IPCEF1: variants seen among roughly 807,000 people sequenced by gnomAD.
IPCEF1 encodes the protein interaction protein for cytohesin exchange factors 1.
IPCEF1 carries 31 observed loss-of-function variants against 50.9 expected under a neutral mutation model. That is an observed-to-expected ratio of 0.61 (90% CI 0.46 to 0.82). IPCEF1 has a LOEUF of 0.82. IPCEF1 is among the 40% of genes least tolerant of loss of function. IPCEF1 has a pLI of 0.00. For synonymous variants in IPCEF1, 181 were observed against 192.0 expected, an observed-to-expected ratio of 0.94 and a Z score of 0.47; for missense variants, 458 against 514.0, an observed-to-expected ratio of 0.89 and a Z score of 1.05.
chr6:154,293,687 C>T (rs1293847343), intron 1 of IPCEF1, among the ~76,000 whole-genome samples: 1 of 152,212 alleles, frequency 6.6e-6, no homozygotes, highest in African/African-American at 2.4e-5. Context: ...GCTCTTCGAG[C>T]ATTACATGAC....
At chr6:154,251,735 A>G (rs1020959049) in intron 3 of IPCEF1, among the ~76,000 whole-genome samples, 2 of 152,198 alleles carry the variant, frequency 1.3e-5, no homozygotes, top group African/African-American at 4.8e-5. Flanking sequence ...TGTGGCGAAG[A>G]TGGATACCAC....
chr6:154,308,320 G>A (rs989995024), intron 1 of IPCEF1, among the ~76,000 whole-genome samples: 1 of 151,412 alleles, frequency 6.6e-6, no homozygotes, highest in Non-Finnish European at 1.5e-5. Context: ...GTTTTTTTTC[G>A]CAGTGTTGAC....
intron 5 of IPCEF1, among the ~76,000 whole-genome samples, chr6:154,243,188 A>T (rs1463044417): frequency 1.3e-5 from 2 of 152,296 alleles, no homozygotes; most frequent in East Asian, 3.9e-4. Flanking sequence ...GAAATAAGAA[A>T]GGTTACCAGT....
chr6:154,317,997 T>C (rs1229078618), intron 1 of IPCEF1, among the ~76,000 whole-genome samples: 1 of 152,148 alleles, frequency 6.6e-6, no homozygotes, highest in East Asian at 1.9e-4. Context: ...GAATATATAG[T>C]AATAAACAGA....
chr6:154,192,550 A>C (rs9478517), intron 10 of IPCEF1, among the ~76,000 whole-genome samples: 21,949 of 152,116 alleles, frequency 0.14, 1,858 homozygotes, highest in African/African-American at 0.22. Context: ...ACAGCAAAAG[A>C]AACAATCAGC....
chr6:154,314,949 C>T (rs573278981), intron 1 of IPCEF1, among the ~76,000 whole-genome samples: 5 of 150,832 alleles, frequency 3.3e-5, no homozygotes, highest in Middle Eastern at 3.5e-3. Context: ...GACACAATCT[C>T]AGCTCACTGC....
At chr6:154,244,436 G>A (rs533475371) in intron 5 of IPCEF1, among the ~76,000 whole-genome samples, 14 of 151,944 alleles carry the variant, frequency 9.2e-5, no homozygotes, top group Non-Finnish European at 2.1e-4. Flanking sequence ...GCCAGATAGC[G>A]GCAAGCTTAT....
intron 3 of IPCEF1, among the ~76,000 whole-genome samples, chr6:154,259,917 A>G (rs1400717903): frequency 6.6e-6 from 1 of 152,212 alleles, no homozygotes; most frequent in Non-Finnish European, 1.5e-5. Context: ...GTAGCCTGAA[A>G]GCAAACTGCA....
chr6:154,276,589 G>A (rs961477380), intron 2 of IPCEF1, among the ~76,000 whole-genome samples: 1 of 152,168 alleles, frequency 6.6e-6, no homozygotes, highest in African/African-American at 2.4e-5. Context: ...CAGAGTGGGT[G>A]GACTAACTAG....
At chr6:154,328,040 A>T (rs545740392) in intron 1 of IPCEF1, among the ~76,000 whole-genome samples, 4 of 152,290 alleles carry the variant, frequency 2.6e-5, no homozygotes, top group African/African-American at 9.6e-5. Flanking sequence ...ATGGGGGCTA[A>T]CAACACACAC....
intron 3 of IPCEF1, among the ~76,000 whole-genome samples, chr6:154,258,186 C>T (rs991489797): frequency 2.0e-5 from 3 of 152,176 alleles, no homozygotes; most frequent in Admixed American, 1.3e-4. Context: ...ATACTAACTT[C>T]ATATTCACCC....
chr6:154,261,998 A>G (rs1269558580), intron 3 of IPCEF1, among the ~76,000 whole-genome samples: 1 of 152,228 alleles, frequency 6.6e-6, no homozygotes, highest in African/African-American at 2.4e-5. Context: ...CTCCTGTGCT[A>G]CATTTTATTT....
At chr6:154,174,318 A>G (rs1002198795) in intron 10 of IPCEF1, among the ~76,000 whole-genome samples, 1 of 152,248 alleles carries the variant, frequency 6.6e-6, no homozygotes, top group African/African-American at 2.4e-5. Flanking sequence ...ATTCACACAT[A>G]ACAATATTAA....
intron 2 of IPCEF1, among the ~76,000 whole-genome samples, chr6:154,272,672 A>G (rs184889518): frequency 6.6e-6 from 1 of 152,348 alleles, no homozygotes; most frequent in Non-Finnish European, 1.5e-5. Context: ...ATAAAGAATC[A>G]TTCCATTTTG....
intron 3 of IPCEF1, among the ~76,000 whole-genome samples, chr6:154,251,386 AT>A (rs1318779490): frequency 6.6e-6 from 1 of 152,172 alleles, no homozygotes; most frequent in African/African-American, 2.4e-5. Flanking sequence ...CCCATCTCTT[AT>A]TTTAAAAAAC....
At chr6:154,231,320 T>G (rs539897262) in intron 5 of IPCEF1, among the ~76,000 whole-genome samples, 1 of 152,288 alleles carries the variant, frequency 6.6e-6, no homozygotes, top group South Asian at 2.1e-4. Flanking sequence ...TAATGCAAAA[T>G]GGAACTCAAC....
intron 1 of IPCEF1, among the ~76,000 whole-genome samples, chr6:154,321,885 C>G (rs905567434): frequency 6.6e-6 from 1 of 150,908 alleles, no homozygotes; most frequent in Non-Finnish European, 1.5e-5. Context: ...AATGGAACCC[C>G]GATACCAAAA....
intron 3 of IPCEF1, among the ~76,000 whole-genome samples, chr6:154,255,275 T>C (rs1022831548): frequency 6.6e-6 from 1 of 152,182 alleles, no homozygotes; most frequent in African/African-American, 2.4e-5. Context: ...TCTGTGTGTA[T>C]TGTAATGCCT....
At chr6:154,246,932 A>T in intron 4 of IPCEF1, 172 bp from the exon 5 acceptor site, 2 of 380,450 alleles carry the variant, frequency 5.3e-6, no homozygotes, top group African/African-American at 3.2e-5. Context: ...TGCAAAACCA[A>T]TGCAAAAAAA....
Sources: gnomAD v4.1 joint callset for allele counts (sites outside exome capture counted in the v4.1 genomes callset) on GRCh38, gnomAD v4.1.1 for gene constraint, MANE v1.5 for transcripts, NCBI Gene and HGNC (gene_info 2026-07-23, HGNC 2026-07-21) for gene names.